LRCH2: variants seen among roughly 807,000 people sequenced by gnomAD.
The protein encoded by LRCH2 is leucine-rich repeat and calponin homology domain-containing protein 2.
LRCH2 carries 38 observed loss-of-function variants against 68.9 expected under a neutral mutation model. The observed-to-expected ratio is 0.55, with a 90% confidence interval of 0.43 to 0.72. LRCH2 has a LOEUF of 0.72. Ranked by LOEUF, LRCH2 falls within the 30% of genes least tolerant of loss-of-function variation. LRCH2 has a pLI of 0.00. For missense variants in LRCH2, 528 were observed against 572.9 expected, an observed-to-expected ratio of 0.92 and a Z score of 0.80; for synonymous variants, 191 against 208.1, an observed-to-expected ratio of 0.92 and a Z score of 0.71.
At chrX:115,186,527 C>T (rs186039013) in intron 2 of LRCH2, among the ~76,000 whole-genome samples, 26 of 110,964 alleles carry the variant, frequency 2.3e-4, no homozygotes, top group African/African-American at 8.2e-4. Flanking sequence ...ATTTTTGTGA[C>T]TGTAAAAAAA....
Position 115,179,634 on chromosome X carries a change from T to G in LRCH2, c.727+12A>C, listed in dbSNP as rs1556551849. 1.8e-6 allele frequency: 2 copies of G among 1,111,748 alleles called. No individual in the cohort carries two copies. Among genetic ancestry groups the G allele is most frequent in the African/African-American group, 3.7e-5 (2 of 53,396 alleles). The allele number at this position is 1,111,748 out of a possible 1,213,427, so 91.6% of individuals were successfully genotyped here. A position where few individuals can be genotyped will look rare whatever the true frequency, so the allele number is the denominator to read the frequency against. ...CTCTTATTCATGTGAGTAAAAACAGTGAACATCTTACCATCTGGCAAAACA... is the reference window on the plus strand; with the variant it reads ...CTCTTATTCATGTGAGTAAAAACAGGGAACATCTTACCATCTGGCAAAACA... On this transcript the variant is annotated intron_variant, in intron 4 of 20. Coordinates refer to ENST00000317135, the MANE Select transcript of LRCH2 (RefSeq NM_020871.4).
chrX:115,159,840 A>G (rs782774674), intron 11 of LRCH2, among the ~76,000 whole-genome samples: 4 of 111,096 alleles, frequency 3.6e-5, no homozygotes, highest in African/African-American at 9.8e-5. Context: ...GCAGTCTTCT[A>G]AACAACTAGG....
At chrX:115,178,592 C>T in intron 5 of LRCH2, among the ~76,000 whole-genome samples, 1 of 112,023 alleles carries the variant, frequency 8.9e-6, no homozygotes, top group Non-Finnish European at 1.9e-5. Flanking sequence ...CAACTTGAAT[C>T]TGATTGCCTT....
chrX:115,156,267 C>T (rs964199608), intron 12 of LRCH2, among the ~76,000 whole-genome samples: 1 of 111,417 alleles, frequency 9.0e-6, no homozygotes, highest in South Asian at 3.7e-4. Flanking sequence ...GAAATGAAAA[C>T]ATAAACAGTA....
At chrX:115,219,805 T>C (rs1204952019) in intron 1 of LRCH2, among the ~76,000 whole-genome samples, 1 of 111,786 alleles carries the variant, frequency 8.9e-6, no homozygotes, top group African/African-American at 3.3e-5. Flanking sequence ...GGAAATGGCC[T>C]TGTGACAGCT....
chrX:115,115,648 T>C (rs1351515132), intron 20 of LRCH2, among the ~76,000 whole-genome samples: 1 of 110,760 alleles, frequency 9.0e-6, no homozygotes, highest in East Asian at 2.8e-4. Context: ...TTACACAATG[T>C]TTTCTTAGAT....
At chrX:115,165,752 G>T in intron 8 of LRCH2, 89 bp downstream of exon 8, 1 of 935,387 alleles carries the variant, frequency 1.1e-6, no homozygotes, top group Non-Finnish European at 1.5e-6. Flanking sequence ...CAATGTAAGA[G>T]TTTGCTAAAG....
chrX:115,210,537 C>G (rs1556569672), intron 1 of LRCH2, among the ~76,000 whole-genome samples: 1 of 112,226 alleles, frequency 8.9e-6, no homozygotes, highest in Non-Finnish European at 1.9e-5. Flanking sequence ...GCAGGGACCT[C>G]ATGGACAACC....
At chrX:115,152,320 A>G (rs1007583159) in intron 12 of LRCH2, among the ~76,000 whole-genome samples, 8 of 112,079 alleles carry the variant, frequency 7.1e-5, no homozygotes, top group African/African-American at 2.3e-4. Context: ...AAAAGTCAAA[A>G]GTATGTATAA....
At chrX:115,211,845 C>T (rs372429568) in intron 1 of LRCH2, among the ~76,000 whole-genome samples, 24 of 111,945 alleles carry the variant, frequency 2.1e-4, no homozygotes, top group East Asian at 2.0e-3. Context: ...GAATAATGAA[C>T]ACCATTATAA....
In LRCH2 at chrX:115,122,743, T is replaced by C. The variant is rs370473408; in HGVS notation, c.2100+17A>G. The C allele has an allele frequency of 2.2e-5, 26 of 1,205,858 alleles. No individual in the cohort carries two copies. Among genetic ancestry groups the C allele is most frequent in the African/African-American group, 8.7e-5 (5 of 57,199 alleles). On this transcript the variant is annotated intron_variant, in intron 19 of 20. Coordinates refer to ENST00000317135, the MANE Select transcript of LRCH2 (RefSeq NM_020871.4). The stretch of plus-strand genomic sequence containing the variant: ...TATCTTCCTTTAGAGAACTAACAAA[T>C]TGTAAACAAAACTTACCACTGCTGG...
chrX:115,202,532 A>G (rs1183376607), intron 1 of LRCH2, among the ~76,000 whole-genome samples: 3 of 112,309 alleles, frequency 2.7e-5, no homozygotes, highest in African/African-American at 9.7e-5. Context: ...TTTTTAGTGA[A>G]AAAACAAGAA....
chrX:115,209,320 G>C (rs62601535), intron 1 of LRCH2, among the ~76,000 whole-genome samples: 11,754 of 111,661 alleles, frequency 0.11, 605 homozygotes, highest in Non-Finnish European at 0.16. Flanking sequence ...GGAGGGACCT[G>C]GTGGGAGTTA....
chrX:115,138,699 A>C (rs2147360566), intron 14 of LRCH2, among the ~76,000 whole-genome samples: 1 of 112,201 alleles, frequency 8.9e-6, no homozygotes. Context: ...GAAATGTATT[A>C]CTGTTACTCA....
intron 1 of LRCH2, chrX:115,192,969 CTTTCATAAA>C: frequency 4.2e-6 from 1 of 239,163 alleles, no homozygotes; most frequent in Non-Finnish European, 7.9e-6. Flanking sequence ...GTTCTAAGAT[CTTTCATAAA>C]CATCTGCTCA....
Position 115,111,969 on chromosome X carries a change from G to GTT in LRCH2, c.*1246_*1247insAA, listed in dbSNP as rs2072046889. 8.9e-6 allele frequency: 1 copy of GTT among 112,234 alleles called. No individual in the cohort carries two copies. Among genetic ancestry groups the GTT allele is most frequent in the Non-Finnish European group, 1.9e-5 (1 of 53,078 alleles). The allele number at this position is 112,234 out of a possible 1,213,427, so 9.2% of individuals were successfully genotyped here. A position where few individuals can be genotyped will look rare whatever the true frequency, so the allele number is the denominator to read the frequency against. ...ATAGGAAACTCAGTTATTCATTACA[G>GTT]TAATGTTTTTGAAAAATTCCTGCAA... On this transcript the variant is annotated 3_prime_UTR_variant, in exon 21 of 21. Coordinates refer to ENST00000317135, the MANE Select transcript of LRCH2 (RefSeq NM_020871.4).
intron 14 of LRCH2, among the ~76,000 whole-genome samples, chrX:115,135,323 T>G (rs1181029666): frequency 9.4e-6 from 1 of 106,927 alleles, no homozygotes; most frequent in Non-Finnish European, 1.9e-5. Flanking sequence ...AGAGACGGGG[T>G]TTTGCCATTG....
At chrX:115,183,070 G>GCACACACA (rs782061488) in intron 3 of LRCH2, among the ~76,000 whole-genome samples, 2 of 106,226 alleles carry the variant, frequency 1.9e-5, no homozygotes, top group Non-Finnish European at 1.9e-5. Context: ...GCACGCACAC[G>GCACACACA]CACACACACA....
chrX:115,132,053 G>A (rs781832544), intron 14 of LRCH2, among the ~76,000 whole-genome samples: 43 of 111,557 alleles, frequency 3.9e-4, no homozygotes, highest in African/African-American at 1.1e-3. Flanking sequence ...TCACTCTGAC[G>A]GTAGTTTTTT....
Sources: gnomAD v4.1 joint callset for allele counts (sites outside exome capture counted in the v4.1 genomes callset) on GRCh38, gnomAD v4.1.1 for gene constraint, MANE v1.5 for transcripts, NCBI Gene and HGNC (gene_info 2026-07-23, HGNC 2026-07-21) for gene names.